Variants in RAPGEF2 observed in about 807,000 individuals in gnomAD.
The protein encoded by RAPGEF2 is PDZ domain containing guanine nucleotide exchange factor (GEF) 1.
In RAPGEF2, 54 loss-of-function variants were observed where a neutral mutation model predicts 186.7. The observed-to-expected ratio is 0.29, with a 90% CI of 0.23 to 0.36. The LOEUF is 0.36. Ranked by LOEUF, RAPGEF2 falls within the 10% of genes least tolerant of loss-of-function variation. The probability of loss-of-function intolerance (pLI) is 1.00; values close to 1 mark genes in which losing one functional copy is unlikely to be tolerated. For synonymous variants in RAPGEF2, 712 were observed against 705.9 expected (o/e 1.01, Z -0.14); for missense variants, 1,532 against 2,045.0 (o/e 0.75, Z 4.84).
chr4:159,257,786 G>A (rs1756356412), intron 7 of RAPGEF2, among the ~76,000 whole-genome samples: 1 of 152,142 alleles, frequency 6.6e-6, no homozygotes, highest in South Asian at 2.1e-4. Context: ...TGGTCTGTGT[G>A]TCTGTTTTTG....
At chr4:159,172,950 C>T (rs1444031120) in intron 1 of RAPGEF2, among the ~76,000 whole-genome samples, 2 of 152,164 alleles carry the variant, frequency 1.3e-5, no homozygotes, top group Non-Finnish European at 2.9e-5. Context: ...CTTCTCTGCT[C>T]CTTCACCTTT....
chr4:159,134,148 G>A (rs578135400), intron 1 of RAPGEF2, among the ~76,000 whole-genome samples: 2 of 152,304 alleles, frequency 1.3e-5, no homozygotes, highest in African/African-American at 4.8e-5. Flanking sequence ...TCTCCGTCTA[G>A]CCTGTCTCTG....
intron 1 of RAPGEF2, among the ~76,000 whole-genome samples, chr4:159,133,009 G>T (rs1488488238): frequency 6.6e-6 from 1 of 150,986 alleles, no homozygotes; most frequent in Admixed American, 6.6e-5. Context: ...TTCATTGCTT[G>T]TTTATTCTTC....
intron 2 of RAPGEF2, among the ~76,000 whole-genome samples, chr4:159,189,810 G>T (rs1561063648): frequency 6.6e-6 from 1 of 152,156 alleles, no homozygotes; most frequent in Admixed American, 6.5e-5. Context: ...TGATAGCACT[G>T]TTTAAATTTA....
intron 4 of RAPGEF2, among the ~76,000 whole-genome samples, chr4:159,220,962 A>C (rs1006576949): frequency 5.3e-5 from 8 of 152,216 alleles, no homozygotes; most frequent in African/African-American, 1.9e-4. Context: ...TGTCAGGTTG[A>C]TATAGAGGAG....
At chr4:159,142,057 G>T (rs769261678) in intron 1 of RAPGEF2, among the ~76,000 whole-genome samples, 2 of 152,088 alleles carry the variant, frequency 1.3e-5, no homozygotes, top group Non-Finnish European at 2.9e-5. Flanking sequence ...TTTCTACGTT[G>T]TGTACATCTA....
intron 5 of RAPGEF2, 41 bp from the exon 6 acceptor site, chr4:159,241,157 ATGT>A (rs1050821294): frequency 1.2e-5 from 16 of 1,372,528 alleles, no homozygotes; most frequent in Non-Finnish European, 1.1e-5. Context: ...TTAATAGGAA[ATGT>A]TGTGTTTGGA....
chr4:159,105,716 C>T (rs1350160735), intron 1 of RAPGEF2, among the ~76,000 whole-genome samples: 2 of 152,192 alleles, frequency 1.3e-5, no homozygotes, highest in Admixed American at 1.3e-4. Context: ...TCAGTTGGAT[C>T]AGTCTTCTGC....
chr4:159,297,902 G>T (rs1762212280), intron 7 of RAPGEF2, among the ~76,000 whole-genome samples: 1 of 152,154 alleles, frequency 6.6e-6, no homozygotes, highest in African/African-American at 2.4e-5. Flanking sequence ...AAGAAACTGA[G>T]GTACACAGAA....
intron 11 of RAPGEF2, chr4:159,327,100 G>A (rs1305485413): frequency 6.6e-6 from 1 of 152,150 alleles, no homozygotes; most frequent in Non-Finnish European, 1.5e-5. Flanking sequence ...GTTTGCTGTG[G>A]ATAAATTGAA....
intron 17 of RAPGEF2, among the ~76,000 whole-genome samples, chr4:159,333,029 G>T (rs527289436): frequency 6.6e-6 from 1 of 151,688 alleles, no homozygotes; most frequent in African/African-American, 2.4e-5. Context: ...GCCCAGGCTG[G>T]AGTGCAGTGG....
intron 24 of RAPGEF2, 146 bp from the exon 25 acceptor site, chr4:159,346,643 G>C: frequency 4.4e-6 from 3 of 675,922 alleles, no homozygotes; most frequent in Non-Finnish European, 7.5e-6. Context: ...CATTTTCTGT[G>C]CTTCATAAAG....
chr4:159,338,210 A>G, intron 17 of RAPGEF2, 101 bp from the exon 18 acceptor site: 1 of 1,101,452 alleles, frequency 9.1e-7, no homozygotes, highest in Non-Finnish European at 1.2e-6. Flanking sequence ...ATGAGCTGCA[A>G]AAAAAAAATG....
chr4:159,114,213 C>T (rs1738801889), intron 1 of RAPGEF2, among the ~76,000 whole-genome samples: 1 of 151,730 alleles, frequency 6.6e-6, no homozygotes, highest in Non-Finnish European at 1.5e-5. Context: ...AAGTGATTCT[C>T]CTGCCTCAGC....
At chr4:159,296,023 G>C (rs889896511) in intron 7 of RAPGEF2, among the ~76,000 whole-genome samples, 1 of 150,942 alleles carries the variant, frequency 6.6e-6, no homozygotes, top group Non-Finnish European at 1.5e-5. Flanking sequence ...TTGGTATAAG[G>C]GAGTTAAAGA....
At chr4:159,138,384 A>ATGC (rs1741952317) in intron 1 of RAPGEF2, among the ~76,000 whole-genome samples, 1 of 152,204 alleles carries the variant, frequency 6.6e-6, no homozygotes, top group Admixed American at 6.5e-5. Context: ...ACTAATACTG[A>ATGC]TGCATTTGGT....
chr4:159,273,796 C>CT (rs1409937432), intron 7 of RAPGEF2, among the ~76,000 whole-genome samples: 1 of 151,766 alleles, frequency 6.6e-6, no homozygotes, highest in African/African-American at 2.4e-5. Flanking sequence ...CCTGACATTT[C>CT]TTTCTCTTTT....
At chr4:159,307,397 C>T (rs934129360) in intron 8 of RAPGEF2, among the ~76,000 whole-genome samples, 1 of 152,158 alleles carries the variant, frequency 6.6e-6, no homozygotes, top group Non-Finnish European at 1.5e-5. Context: ...TCATCACATA[C>T]ACACAAACAC....
chr4:159,305,954 G>T (rs1439921233), intron 8 of RAPGEF2, among the ~76,000 whole-genome samples: 1 of 152,066 alleles, frequency 6.6e-6, no homozygotes, highest in African/African-American at 2.4e-5. Context: ...CTTTGTCAAA[G>T]ATCGGTTGGC....
Sources: gnomAD v4.1 joint callset for allele counts (sites outside exome capture counted in the v4.1 genomes callset) on GRCh38, gnomAD v4.1.1 for gene constraint, MANE v1.5 for transcripts, NCBI Gene and HGNC (gene_info 2026-07-23, HGNC 2026-07-21) for gene names.